The following ZFHX4 variants were observed in gnomAD, a reference collection of about 807,000 sequenced individuals.
ZFHX4 encodes zinc finger homeobox 4, also known as zinc finger homeobox protein 4.
A neutral mutation model predicts 267.6 loss-of-function variants in ZFHX4; 56 were observed. The ratio of observed to expected loss-of-function variants is 0.21; its 90% CI spans 0.17 to 0.26. The LOEUF (loss-of-function observed/expected upper bound fraction) is 0.26, where lower values mean the gene tolerates loss of function less well. Ranked by LOEUF, ZFHX4 falls within the 10% of genes least tolerant of loss-of-function variation. The pLI is 1.00. For synonymous variants in ZFHX4, 1,778 were observed against 1,665.6 expected (o/e 1.07, Z -1.64); for missense variants, 4,332 against 4,420.0 (o/e 0.98, Z 0.56).
At position 76,704,037 on chromosome 8, in the gene ZFHX4, A is replaced by G. The variant is rs2131604040; in HGVS notation, c.-46-6A>G. The G allele has an allele frequency of 2.6e-6, 4 of 1,514,758 alleles. No homozygotes were observed. In the East Asian group the frequency reaches 9.1e-5, roughly 35 times the overall value. The allele number at this position is 1,514,758 out of a possible 1,614,324, so 93.8% of individuals were successfully genotyped here. A position where few individuals can be genotyped will look rare whatever the true frequency, so the allele number is the denominator to read the frequency against. ...AATGGCTTCTCTCACCTTATTTTTTATCCAGGTCCCTGACAGGCTGGATGA... is the reference window on the plus strand; with the variant it reads ...AATGGCTTCTCTCACCTTATTTTTTGTCCAGGTCCCTGACAGGCTGGATGA... On this transcript the variant is annotated splice_region_variant and splice_polypyrimidine_tract_variant and intron_variant, in intron 1 of 10. Coordinates refer to ENST00000651372, the MANE Select transcript of ZFHX4 (RefSeq NM_024721.5).
At chr8:76,844,445 T>C (rs1014483234) in intron 6 of ZFHX4, among the ~76,000 whole-genome samples, 13 of 152,142 alleles carry the variant, frequency 8.5e-5, no homozygotes, top group Non-Finnish European at 1.5e-4. Flanking sequence ...TTGTAAAGGA[T>C]GGATTCTGGG....
At chr8:76,817,999 G>A (rs954272334) in intron 4 of ZFHX4, among the ~76,000 whole-genome samples, 23 of 152,188 alleles carry the variant, frequency 1.5e-4, no homozygotes, top group African/African-American at 5.3e-4. Flanking sequence ...GTGAGAGATA[G>A]AAAAGTGAAA....
At chr8:76,760,511 G>A (rs970416385) in intron 3 of ZFHX4, among the ~76,000 whole-genome samples, 1 of 152,084 alleles carries the variant, frequency 6.6e-6, no homozygotes, top group Non-Finnish European at 1.5e-5. Context: ...TTAAAATTAT[G>A]ATACGTCCTG....
At chr8:76,838,624 A>G (rs1416225069) in intron 5 of ZFHX4, among the ~76,000 whole-genome samples, 1 of 152,174 alleles carries the variant, frequency 6.6e-6, no homozygotes, top group Non-Finnish European at 1.5e-5. Flanking sequence ...GATACTCAAT[A>G]TGTTAATATA....
At chr8:76,840,004 A>G (rs776736413) in intron 5 of ZFHX4, among the ~76,000 whole-genome samples, 6 of 152,160 alleles carry the variant, frequency 3.9e-5, no homozygotes, top group Non-Finnish European at 5.9e-5. Context: ...TCTGACTTAT[A>G]TGAAACTTTA....
intron 4 of ZFHX4, among the ~76,000 whole-genome samples, chr8:76,806,796 T>G (rs1323631890): frequency 6.6e-6 from 1 of 152,096 alleles, no homozygotes; most frequent in East Asian, 1.9e-4. Flanking sequence ...TTTGTTTTTG[T>G]TATTTCGGTC....
intron 3 of ZFHX4, among the ~76,000 whole-genome samples, chr8:76,768,983 AGCTACTTGGGAG>A (rs372706175): frequency 2.2e-3 from 335 of 152,310 alleles, no homozygotes; most frequent in African/African-American, 7.6e-3. Flanking sequence ...TTGTAGTCCC[AGCTACTTGGGAG>A]GCTGAGGCAG....
Position 76,778,419 on chromosome 8 carries a change from A to T in ZFHX4, c.3305A>T (p.Asp1102Val), listed in dbSNP as rs755510838. Reference protein sequence around the residue: ...DNLSEIFFVKDCPPNELETAS... With the variant: ...DNLSEIFFVKVCPPNELETAS... ...CTCAGTGAGATCTTTTTTGTTAAAGATTGCCCACCAAATGAGCTTGGTGAG... is the reference window on the plus strand; with the variant it reads ...CTCAGTGAGATCTTTTTTGTTAAAGTTTGCCCACCAAATGAGCTTGGTGAG... Residue 1102 changes from aspartate (D) to valine (V), a missense_variant, in exon 4 of 11, where the codon GAT (aspartate) becomes GTT (valine). Transcript: ENST00000651372. 8.1e-6 allele frequency: 13 copies of T among 1,613,626 alleles called. No homozygotes were observed. The highest frequency in any genetic ancestry group is 2.5e-6 in the Non-Finnish European group (3 of 1,179,786).
intron 3 of ZFHX4, among the ~76,000 whole-genome samples, chr8:76,714,552 C>T (rs982358415): frequency 6.6e-5 from 10 of 152,110 alleles, no homozygotes; most frequent in Non-Finnish European, 1.3e-4. Flanking sequence ...CACCAATAAC[C>T]GTGAGGAAAC....
rs568472321 is a variant in ZFHX4, at chr8:76,681,381, G to T, written c.-286G>T. The T allele has an allele frequency of 3.5e-4, 139 of 398,750 alleles. No individual in the cohort carries two copies. The highest frequency in any genetic ancestry group is 4.6e-4 in the Non-Finnish European group (104 of 226,048). The allele number at this position is 398,750 out of a possible 1,614,324, so 24.7% of individuals were successfully genotyped here. ...TTCCCAACCCCTTCACAACCAAACA[G>T]CGAGACCGCGGTCGGCACATGCTTT... On this transcript the variant is annotated 5_prime_UTR_variant, in exon 1 of 11. Coordinates refer to ENST00000651372, the MANE Select transcript of ZFHX4 (RefSeq NM_024721.5).
chr8:76,751,661 A>G (rs1188695554), intron 3 of ZFHX4, among the ~76,000 whole-genome samples: 1 of 152,188 alleles, frequency 6.6e-6, no homozygotes, highest in Non-Finnish European at 1.5e-5. Context: ...TAAAATAGTA[A>G]TTTTCCTTCT....
chr8:76,786,277 A>T (rs574882278), intron 4 of ZFHX4, among the ~76,000 whole-genome samples: 42 of 151,910 alleles, frequency 2.8e-4, no homozygotes, highest in Non-Finnish European at 5.6e-4. Flanking sequence ...TCAATGACAA[A>T]AATTGCTCGT....
rs776758893 is a variant in ZFHX4, at chr8:76,706,535, C to A, written c.2447C>A (p.Ala816Glu). 31 of 1,613,160 alleles carry A rather than the reference C, an allele frequency of 1.9e-5. No individual in the cohort carries two copies. Among genetic ancestry groups the A allele is most frequent in the Non-Finnish European group, 2.5e-5 (30 of 1,179,630 alleles). Residue 816 changes from alanine (A) to glutamate (E), a missense_variant, in exon 2 of 11, where the codon GCG becomes GAG. Ala to Glu is a moderately radical substitution (Grantham distance 107). Coordinates refer to ENST00000651372, the MANE Select transcript of ZFHX4 (RefSeq NM_024721.5). ...AATCTGCACTTGGGCCTCGCCCCGG[C>A]GGAAGCAGAGCTTTATCAGTACTAC... ...QHNLHLGLAP[A>E]EAELYQYYLA...
intron 4 of ZFHX4, chr8:76,782,100 A>ATTTTTTTT (rs77420241): frequency 7.2e-5 from 17 of 236,754 alleles, no homozygotes; most frequent in Middle Eastern, 5.1e-4. Flanking sequence ...TCAGTTAAGA[A>ATTTTTTTT]TTTTTTTTTT....
intron 1 of ZFHX4, among the ~76,000 whole-genome samples, chr8:76,688,552 G>A (rs1807749300): frequency 6.6e-6 from 1 of 152,098 alleles, no homozygotes; most frequent in Non-Finnish European, 1.5e-5. Flanking sequence ...GGAGACATTT[G>A]TAGTAGGGTC....
intron 8 of ZFHX4, chr8:76,849,996 C>G: frequency 1.7e-6 from 1 of 571,486 alleles, no homozygotes; most frequent in South Asian, 2.3e-5. Flanking sequence ...GCATTTCAAA[C>G]TTGCTTCATT....
chr8:76,863,651 G>C lies in ZFHX4; in HGVS notation c.9937G>C (p.Gly3313Arg). 1 of 1,611,326 alleles carries C rather than the reference G, an allele frequency of 6.2e-7. No individual in the cohort carries two copies. The highest frequency in any genetic ancestry group is 8.5e-7 in the Non-Finnish European group (1 of 1,178,640). The change falls in exon 11 of 11, where the codon GGT becomes CGT. Residue 3313 changes from glycine to arginine, a missense_variant. By Grantham distance (125) the Gly-to-Arg change is moderately radical. This residue lies in a region of ZFHX4 where 1,648 missense variants were observed against 1,625.0 expected (regional missense o/e 1.01). Coordinates refer to ENST00000651372, the MANE Select transcript of ZFHX4 (RefSeq NM_024721.5). ...CCAGACACTGGCAGGTCTGTCCCCA[G>C]GTGCACTGTTGCAGCAGTACCAACA... is the stretch of plus-strand genomic sequence containing the variant. ...MPQTLAGLSP[G>R]ALLQQYQQYQ...
chr8:76,829,946 A>G (rs1402336264), intron 4 of ZFHX4, among the ~76,000 whole-genome samples: 5 of 152,192 alleles, frequency 3.3e-5, no homozygotes, highest in African/African-American at 4.8e-5. Flanking sequence ...AATGAACGCT[A>G]GAAATAAATG....
rs561594863 is a variant in ZFHX4, at chr8:76,863,624, C to T, written c.9910C>T (p.Pro3304Ser). 7 of 1,613,206 alleles carry T rather than the reference C, an allele frequency of 4.3e-6. No homozygotes were observed. Among genetic ancestry groups the T allele is most frequent in the Non-Finnish European group, 2.5e-6 (3 of 1,179,626 alleles). ...ESLFPYGPTMPQTLAGLSPGA... is the reference protein window; with the variant it reads ...ESLFPYGPTMSQTLAGLSPGA... ...CCTCTTTCCTTATGGCCCTACAATG[C>T]CCCAGACACTGGCAGGTCTGTCCCC... The change falls in exon 11 of 11, where the codon CCC (proline) becomes TCC (serine). Residue 3304 changes from proline to serine, a missense_variant. Physicochemically the swap from Pro to Ser is moderately conservative, Grantham distance 74. Around this residue, in one of 7 missense-constraint regions of ZFHX4, gnomAD observed 1,648 missense variants for 1,625.0 expected, o/e 1.01. Transcript: ENST00000651372.
Sources: allele counts gnomAD v4.1 joint callset (sites outside exome capture counted in the v4.1 genomes callset), GRCh38; gene constraint gnomAD v4.1.1; regional missense constraint gnomAD v4.1.1; transcripts MANE v1.5; gene names NCBI Gene and HGNC (gene_info 2026-07-23, HGNC 2026-07-21).